The following TRPS1 variants were observed in gnomAD, a reference collection of about 807,000 sequenced individuals.
The protein encoded by TRPS1 is transcriptional repressor GATA binding 1, also known as zinc finger transcription factor Trps1.
A neutral mutation model predicts 101.2 loss-of-function variants in TRPS1; 6 were observed. The observed-to-expected ratio is 0.06, with a 90% CI of 0.03 to 0.12. The LOEUF (loss-of-function observed/expected upper bound fraction) is 0.12, where lower values mean the gene tolerates loss of function less well. Among genes scored for constraint, TRPS1 ranks in the 10% least tolerant of loss-of-function variants. The pLI is 1.00. For missense variants in TRPS1, 1,363 were observed against 1,567.0 expected, an observed-to-expected ratio of 0.87 and a Z score of 2.20; for synonymous variants, 578 against 589.8, an observed-to-expected ratio of 0.98 and a Z score of 0.29.
intron 5 of TRPS1, among the ~76,000 whole-genome samples, chr8:115,446,427 A>G (rs1473967516): frequency 6.6e-6 from 1 of 151,694 alleles, no homozygotes; most frequent in African/African-American, 2.4e-5. Context: ...TTCCACCTGC[A>G]GGACCTTGTC....
rs143790248 is a variant in TRPS1, at chr8:115,531,718, CA to C, written c.2700+55282del. ...TTACAAAGAGTAAGAGTTTAGAATA[CA>C]TAGCTGAGAAGGGTTAAAAAAAACA... On this transcript the variant is annotated intron_variant, in intron 5 of 6. Coordinates refer to ENST00000395715, the MANE Select transcript of TRPS1 (RefSeq NM_014112.5). Among the ~76,000 whole-genome samples the C allele has an allele frequency of 9.3e-3, 1,410 of 151,938 alleles. 17 individuals carry two copies. The highest frequency in any genetic ancestry group is 0.032 in the African/African-American group (1,334 of 41,432).
intron 5 of TRPS1, among the ~76,000 whole-genome samples, chr8:115,422,369 C>T (rs1008817179): frequency 1.6e-4 from 23 of 143,102 alleles, no homozygotes; most frequent in Non-Finnish European, 2.8e-4. Flanking sequence ...ACTTTCCACA[C>T]TTTTTTTTTT....
At chr8:115,600,037 G>C (rs1199868542) in intron 4 of TRPS1, among the ~76,000 whole-genome samples, 1 of 152,074 alleles carries the variant, frequency 6.6e-6, no homozygotes, top group Non-Finnish European at 1.5e-5. Flanking sequence ...ATTCTAACTG[G>C]CATGAGATGG....
chr8:115,526,952 A>C (rs567020073), intron 5 of TRPS1, among the ~76,000 whole-genome samples: 84 of 152,272 alleles, frequency 5.5e-4, no homozygotes, highest in Non-Finnish European at 9.7e-4. Context: ...GCTTCCTTTC[A>C]TAGATTTTTC....
chr8:115,554,065 A>G (rs184055396), intron 5 of TRPS1, among the ~76,000 whole-genome samples: 109 of 152,324 alleles, frequency 7.2e-4, no homozygotes, highest in African/African-American at 2.6e-3. Context: ...AAAGAAACTA[A>G]GAGTGTGGAA....
chr8:115,666,112 C>A (rs983975811), intron 1 of TRPS1, among the ~76,000 whole-genome samples: 2 of 152,054 alleles, frequency 1.3e-5, no homozygotes, highest in Admixed American at 1.3e-4. Flanking sequence ...CAGAAATAAT[C>A]GTCAAACTTT....
At chr8:115,516,196 A>G (rs1422279115) in intron 5 of TRPS1, among the ~76,000 whole-genome samples, 1 of 151,490 alleles carries the variant, frequency 6.6e-6, no homozygotes, top group Non-Finnish European at 1.5e-5. Flanking sequence ...GTAGGTTTTA[A>G]AAGATATCTA....
intron 5 of TRPS1, among the ~76,000 whole-genome samples, chr8:115,564,698 C>T (rs1272159623): frequency 6.6e-6 from 1 of 152,074 alleles, no homozygotes; most frequent in African/African-American, 2.4e-5. Flanking sequence ...AACCAACCCC[C>T]TCACAATATT....
Position 115,646,030 on chromosome 8 carries a change from AAAAAT to A in TRPS1, c.-121-22277_-121-22273del, listed in dbSNP as rs1303960647. ...TATCCTAAATATAATTGTTAAAATT[AAAAAT>A]AAAATAAGGCCTTAGAAATACTATT... On this transcript the variant is annotated intron_variant, in intron 1 of 6. Coordinates refer to ENST00000395715, the MANE Select transcript of TRPS1 (RefSeq NM_014112.5). 4.6e-5 allele frequency among the ~76,000 whole-genome samples: 7 copies of A among 152,314 alleles called. 1 individual carries two copies. The highest frequency in any genetic ancestry group is 1.4e-4 in the African/African-American group (6 of 41,562).
intron 1 of TRPS1, among the ~76,000 whole-genome samples, chr8:115,646,636 A>G (rs565120046): frequency 4.6e-5 from 7 of 152,306 alleles, no homozygotes; most frequent in Admixed American, 4.6e-4. Context: ...TGGTGGACCT[A>G]AAGTCTTTAT....
chr8:115,614,134 T>C lies in TRPS1; in HGVS notation c.966+4998A>G, dbSNP rs562286399. Among the ~76,000 whole-genome samples, 7 of 152,276 alleles carry C rather than the reference T, an allele frequency of 4.6e-5. No individual in the cohort carries two copies. The East Asian group carries it at 5.8e-4, about 13-fold the overall frequency. On this transcript the variant is annotated intron_variant, in intron 3 of 6. Coordinates refer to ENST00000395715, the MANE Select transcript of TRPS1 (RefSeq NM_014112.5). ...TCTGTGTTTCTAACAGCTGCACGTATGCTGTAATTACAATGATCCAAGAAA... is the reference window on the plus strand; with the variant it reads ...TCTGTGTTTCTAACAGCTGCACGTACGCTGTAATTACAATGATCCAAGAAA...
chr8:115,527,277 C>T (rs1051608339), intron 5 of TRPS1, among the ~76,000 whole-genome samples: 4 of 151,716 alleles, frequency 2.6e-5, no homozygotes, highest in African/African-American at 9.7e-5. Context: ...AAAATATGTG[C>T]CTCACAAAAG....
intron 5 of TRPS1, among the ~76,000 whole-genome samples, chr8:115,522,825 A>G (rs1815899068): frequency 6.6e-6 from 1 of 152,154 alleles, no homozygotes; most frequent in Non-Finnish European, 1.5e-5. Flanking sequence ...TACCTTCTGT[A>G]ATAAATTCAG....
At position 115,414,342 on chromosome 8, in the gene TRPS1, G is replaced by A; in HGVS notation, c.3566C>T (p.Thr1189Ile). 1 of 1,613,980 alleles carries A rather than the reference G, an allele frequency of 6.2e-7. No individual in the cohort carries two copies. The highest frequency in any genetic ancestry group is 8.5e-7 in the Non-Finnish European group (1 of 1,179,956). The stretch of plus-strand genomic sequence containing the variant: ...TTTCTCCTTGGAGGCACCGTTTGCA[G>A]TTGGCCCAGGTCTGGAATGCTTGAT... ...LAIKHSRPGPTANGASKEKTK... is the reference protein window; with the variant it reads ...LAIKHSRPGPIANGASKEKTK... Residue 1189 changes from threonine to isoleucine, a missense_variant, in exon 7 of 7, where the codon ACT becomes ATT. Around this residue, in one of 5 missense-constraint regions of TRPS1, gnomAD observed 307 missense variants for 392.4 expected, o/e 0.78. Transcript: ENST00000395715. The surrounding 1 kb of genome is among the most constrained non-coding windows in gnomAD (Gnocchi z 4.8).
intron 4 of TRPS1, among the ~76,000 whole-genome samples, chr8:115,591,191 G>A (rs989973494): frequency 2.6e-5 from 4 of 152,082 alleles, no homozygotes; most frequent in African/African-American, 9.7e-5. Flanking sequence ...AAGACAGTAA[G>A]GGCATTACCT....
chr8:115,587,142 T>A lies in TRPS1; in HGVS notation c.2559A>T (p.Arg853=). Residue 853 remains arginine, a synonymous_variant, in exon 5 of 7, where the codon CGA becomes CGT. Transcript: ENST00000395715. ...SPNVEAAHLA[R]PIYGLAVETK... is the part of the protein sequence containing the mutation. ...TTTCCACAGCCAAGCCATAAATAGGTCGCGCCAGATGGGCGGCCTCCACAT... is the reference window on the plus strand; with the variant it reads ...TTTCCACAGCCAAGCCATAAATAGGACGCGCCAGATGGGCGGCCTCCACAT... 4 of 1,614,042 alleles carry A rather than the reference T, an allele frequency of 2.5e-6. No individual in the cohort carries two copies. Among genetic ancestry groups the A allele is most frequent in the Non-Finnish European group, 3.4e-6 (4 of 1,179,984 alleles).
intron 5 of TRPS1, among the ~76,000 whole-genome samples, chr8:115,469,943 G>C (rs1278242560): frequency 2.0e-5 from 3 of 152,112 alleles, no homozygotes; most frequent in Non-Finnish European, 4.4e-5. Flanking sequence ...TTCATAAAAG[G>C]CTATTACTGA....
At chr8:115,619,060 A>T (rs1818327867) in intron 3 of TRPS1, 72 bp downstream of exon 3, 1 of 1,555,322 alleles carries the variant, frequency 6.4e-7, no homozygotes, top group East Asian at 2.4e-5. Flanking sequence ...CTTGGTTTTA[A>T]CATGAATATA....
chr8:115,565,258 C>G (rs551994729), intron 5 of TRPS1, among the ~76,000 whole-genome samples: 1 of 152,046 alleles, frequency 6.6e-6, no homozygotes, highest in Non-Finnish European at 1.5e-5. Flanking sequence ...AGAAGGCCCT[C>G]GGAAGTGGTT....
Sources: allele counts gnomAD v4.1 joint callset (sites outside exome capture counted in the v4.1 genomes callset), GRCh38; gene constraint gnomAD v4.1.1; regional missense constraint gnomAD v4.1.1; non-coding constraint Gnocchi (gnomAD v3.1); transcripts MANE v1.5; gene names NCBI Gene and HGNC (gene_info 2026-07-23, HGNC 2026-07-21).